The following FAAH2 variants were observed in gnomAD, a reference collection of about 807,000 sequenced individuals.
FAAH2 encodes fatty-acid amide hydrolase 2.
Under a neutral mutation model 36.9 loss-of-function variants are expected in FAAH2, and 60 were observed. The observed-to-expected ratio is 1.63, with a 90% CI of 1.32 to 2.02. The LOEUF (loss-of-function observed/expected upper bound fraction) is 2.02. Ranked by LOEUF, FAAH2 falls within the 30% of genes most tolerant of loss-of-function variation. The pLI, the probability that FAAH2 is intolerant of heterozygous loss-of-function variation, is 0.00. For missense variants in FAAH2, 689 were observed against 397.5 expected (o/e 1.73, Z -6.23); for synonymous variants, 214 against 143.8 (o/e 1.49, Z -3.49).
chrX:57,130,400 G>C, the FAAH2 span, among the ~76,000 whole-genome samples: 1 of 111,780 alleles, frequency 8.9e-6, no homozygotes, highest in African/African-American at 3.3e-5. Context: ...TACTGAAACA[G>C]CACCCCTCTC....
chrX:57,238,068 C>T, the FAAH2 span, among the ~76,000 whole-genome samples: 2 of 111,629 alleles, frequency 1.8e-5, no homozygotes, highest in Admixed American at 9.5e-5. Context: ...ACTAGTTCAA[C>T]CATTGTGAAA....
intron 7 of FAAH2, among the ~76,000 whole-genome samples, chrX:57,406,156 T>A (rs1056643234): frequency 7.1e-5 from 8 of 111,988 alleles, no homozygotes; most frequent in Non-Finnish European, 1.3e-4. Context: ...TATGACCTTT[T>A]GCCTCCATAT....
chrX:57,283,828 G>A (rs774869554), upstream of FAAH2, among the ~76,000 whole-genome samples: 79 of 112,163 alleles, frequency 7.0e-4, no homozygotes, highest in Middle Eastern at 4.6e-3. Context: ...GCTGTGGGTT[G>A]TCTCTGGGAT....
chrX:57,234,060 A>G, the FAAH2 span, among the ~76,000 whole-genome samples: 1 of 113,029 alleles, frequency 8.8e-6, no homozygotes, highest in Non-Finnish European at 1.9e-5. Context: ...TGTTTACTTC[A>G]TGCATATTTA....
chrX:57,213,404 T>C, the FAAH2 span, among the ~76,000 whole-genome samples: 2 of 111,931 alleles, frequency 1.8e-5, no homozygotes, highest in African/African-American at 3.2e-5. Flanking sequence ...TTCTAGTTTA[T>C]TGAAATGTGA....
the FAAH2 span, among the ~76,000 whole-genome samples, chrX:57,123,451 C>T: frequency 1.1e-4 from 12 of 111,939 alleles, no homozygotes; most frequent in Non-Finnish European, 2.1e-4. Context: ...TGAATAGTGC[C>T]GCAATAAACG....
At chrX:57,260,915 G>A in the FAAH2 span, among the ~76,000 whole-genome samples, 3 of 111,762 alleles carry the variant, frequency 2.7e-5, no homozygotes, top group South Asian at 7.4e-4. Context: ...TGAGAATGTA[G>A]TGCAACTAGA....
chrX:57,235,550 A>G, the FAAH2 span, among the ~76,000 whole-genome samples: 6 of 112,220 alleles, frequency 5.3e-5, no homozygotes, highest in Non-Finnish European at 1.1e-4. Context: ...ACACATATGG[A>G]AACATATATG....
In FAAH2 at chrX:57,312,531, T is replaced by A. The variant is rs566594354; in HGVS notation, c.412+1802T>A. On this transcript the variant is annotated intron_variant, in intron 3 of 10. Transcript: ENST00000374900. ...CTACTAAAAATACAAGAAAAAAAAA[T>A]TAGCTGGGCATGGTGGCGGGCATCT... Among the ~76,000 whole-genome samples the A allele has an allele frequency of 6.4e-5, 7 of 109,826 alleles. No individual in the cohort carries two copies. In the South Asian group the frequency reaches 2.0e-3, roughly 31 times the overall value.
At chrX:57,161,223 G>C in the FAAH2 span, among the ~76,000 whole-genome samples, 2 of 112,067 alleles carry the variant, frequency 1.8e-5, no homozygotes, top group Non-Finnish European at 3.8e-5. Flanking sequence ...TGGTTTCAGA[G>C]ACAGTTTGTT....
At chrX:57,165,208 A>G in the FAAH2 span, among the ~76,000 whole-genome samples, 200 of 112,291 alleles carry the variant, frequency 1.8e-3, 1 homozygote, top group African/African-American at 6.2e-3. Flanking sequence ...CCAAAGGACT[A>G]TAAATCATGC....
intron 7 of FAAH2, among the ~76,000 whole-genome samples, chrX:57,417,885 G>A (rs1201734401): frequency 1.8e-5 from 2 of 111,952 alleles, no homozygotes. Flanking sequence ...TAATCTGTAA[G>A]CTGCTGACTG....
intron 7 of FAAH2, among the ~76,000 whole-genome samples, chrX:57,391,631 T>C (rs1301046821): frequency 1.8e-5 from 2 of 110,947 alleles, no homozygotes; most frequent in Non-Finnish European, 3.8e-5. Flanking sequence ...AAGTTCAGTT[T>C]TTTATAGGTA....
At chrX:57,155,796 T>C in the FAAH2 span, among the ~76,000 whole-genome samples, 1 of 112,165 alleles carries the variant, frequency 8.9e-6, no homozygotes. Context: ...CAAGGAACAC[T>C]GTGAGACAAG....
chrX:57,426,839 A>G (rs2056173552), intron 7 of FAAH2, among the ~76,000 whole-genome samples: 1 of 111,773 alleles, frequency 8.9e-6, no homozygotes, highest in Admixed American at 9.5e-5. Flanking sequence ...CAACTCAATG[A>G]ACCAGAAAAT....
intron 9 of FAAH2, among the ~76,000 whole-genome samples, chrX:57,448,237 C>G (rs2056719636): frequency 8.9e-6 from 1 of 112,158 alleles, no homozygotes; most frequent in Non-Finnish European, 1.9e-5. Context: ...TTGAGAAGTG[C>G]TGGGATTACA....
intron 8 of FAAH2, among the ~76,000 whole-genome samples, chrX:57,435,185 A>G (rs2056384164): frequency 8.9e-6 from 1 of 111,831 alleles, no homozygotes; most frequent in Non-Finnish European, 1.9e-5. Context: ...TAACATATAA[A>G]ACTCAATGAT....
the FAAH2 span, among the ~76,000 whole-genome samples, chrX:57,122,484 AT>A: frequency 1.8e-5 from 2 of 112,526 alleles, no homozygotes; most frequent in Middle Eastern, 4.6e-3. Context: ...TTGCAAAAAA[AT>A]AACTTTATAA....
chrX:57,219,447 CTG>C, the FAAH2 span, among the ~76,000 whole-genome samples: 51 of 112,016 alleles, frequency 4.6e-4, no homozygotes, highest in African/African-American at 1.6e-3. Flanking sequence ...AGTCGCCTCT[CTG>C]TGCATGCAGT....
Sources: gnomAD v4.1 joint callset for allele counts (sites outside exome capture counted in the v4.1 genomes callset) on GRCh38, gnomAD v4.1.1 for gene constraint, MANE v1.5 for transcripts, NCBI Gene and HGNC (gene_info 2026-07-23, HGNC 2026-07-21) for gene names.